Variants in CYP2D6 observed in about 807,000 individuals in gnomAD.
CYP2D6 encodes cytochrome P450 2D6.
A neutral mutation model predicts 43.5 loss-of-function variants in CYP2D6; 51 were observed. The ratio of observed to expected loss-of-function variants is 1.17; its 90% confidence interval spans 0.94 to 1.48. CYP2D6 has a LOEUF of 1.48. Ranked by LOEUF, CYP2D6 falls within the 40% of genes most tolerant of loss-of-function variation. The probability of loss-of-function intolerance (pLI) is 0.00; values close to 1 mark genes in which losing one functional copy is unlikely to be tolerated. For synonymous variants in CYP2D6, 346 were observed against 297.1 expected (o/e 1.16, Z -1.69); for missense variants, 698 against 688.0 (o/e 1.01, Z -0.16).
intron 6 of CYP2D6, 46 bp from the exon 7 acceptor site, chr22:42,127,680 C>A: frequency 1.3e-6 from 2 of 1,590,906 alleles, no homozygotes; most frequent in Non-Finnish European, 1.7e-6. Context: ...CCAGGGGGTC[C>A]GGCCCTGACA....
intron 2 of CYP2D6, 24 bp downstream of exon 2, chr22:42,129,714 G>C: frequency 6.2e-7 from 1 of 1,609,076 alleles, no homozygotes; most frequent in Non-Finnish European, 8.5e-7. Context: ...ACGGAAATCT[G>C]TCTCTGTCCC....
intron 6 of CYP2D6, 101 bp downstream of exon 6, chr22:42,127,741 C>A (rs1931169032): frequency 6.4e-7 from 1 of 1,572,546 alleles, no homozygotes; most frequent in Non-Finnish European, 8.7e-7. Flanking sequence ...GGATCCTGGT[C>A]AAGCCTGTGC....
Position 42,129,278 on chromosome 22 carries a change from G to A in CYP2D6, c.353-93C>T, listed in dbSNP as rs67497403. 281 of 1,451,536 alleles carry A rather than the reference G, an allele frequency of 1.9e-4. 14 individuals carry two copies. In the African/African-American group the frequency reaches 2.9e-3, roughly 15 times the overall value. 89.9% of individuals were successfully genotyped at this position (1,451,536 alleles called of 1,614,324 possible). A position where few individuals can be genotyped will look rare whatever the true frequency, so the allele number is the denominator to read the frequency against. On this transcript the variant is annotated intron_variant, in intron 2 of 8. Transcript: ENST00000645361. Reference sequence around the variant, plus strand: ...AACCCTATGCTCCCCCTGGTCTCCCGCAGTCCCTGGCTCTGTCCAGCTGGT... The same window carrying A: ...AACCCTATGCTCCCCCTGGTCTCCCACAGTCCCTGGCTCTGTCCAGCTGGT...
rs1300432292 is a variant in CYP2D6, at chr22:42,129,719, T to C, written c.352+19A>G. On this transcript the variant is annotated intron_variant, in intron 2 of 8. Coordinates refer to ENST00000645361, the MANE Select transcript of CYP2D6 (RefSeq NM_000106.6). The stretch of plus-strand genomic sequence containing the variant: ...CCCGGGTCCCACGGAAATCTGTCTC[T>C]GTCCCCACCGCTGCTTGCCTTGGGA... 1 of 1,609,212 alleles carries C rather than the reference T, an allele frequency of 6.2e-7. No individual in the cohort carries two copies. The highest frequency in any genetic ancestry group is 1.3e-5 in the African/African-American group (1 of 74,396).
In CYP2D6 at chr22:42,129,947, A is replaced by T. The variant is rs1569029254; in HGVS notation, c.181-38T>A. 2.7e-6 allele frequency: 4 copies of T among 1,507,340 alleles called. No homozygotes were observed. In the East Asian group the frequency reaches 9.6e-5, roughly 36 times the overall value. 93.4% of individuals were successfully genotyped at this position (1,507,340 alleles called of 1,614,324 possible). On this transcript the variant is annotated intron_variant, in intron 1 of 8. Transcript: ENST00000645361. ...GGTCAGGGCCTCTTGTCAAGCCAGG[A>T]TCACCCCAGACTACAGGTCCTAGTC...
intron 4 of CYP2D6, 54 bp from the exon 5 acceptor site, chr22:42,128,404 A>G: frequency 1.3e-6 from 2 of 1,589,406 alleles, no homozygotes; most frequent in Non-Finnish European, 1.7e-6. Flanking sequence ...GTTCACCTGG[A>G]CAAGTCTCAG....
intron 4 of CYP2D6, among the ~76,000 whole-genome samples, 168 bp downstream of exon 4, chr22:42,128,616 A>G (rs1328454655): frequency 2.0e-5 from 3 of 150,834 alleles, no homozygotes; most frequent in Non-Finnish European, 4.4e-5. Context: ...TCCCACGACC[A>G]TGTCTGAGAT....
At position 42,130,697 on chromosome 22, in the gene CYP2D6, C is replaced by T. The variant is rs1418365589; in HGVS notation, c.95G>A (p.Arg32His). ...LMHRRQRWAARYPPGPLPLPG... is the reference protein window; with the variant it reads ...LMHRRQRWAAHYPPGPLPLPG... ...CAGTGGCAGGGGGCCTGGTGGGTAG[C>T]GTGCAGCCCAGCGTTGGCGCCGGTG... is the stretch of plus-strand genomic sequence containing the variant. Residue 32 changes from arginine (R) to histidine (H), a missense_variant, in exon 1 of 9, where the codon CGC (arginine) becomes CAC (histidine). By Grantham distance (29) the Arg-to-His change is conservative (BLOSUM62 0). Transcript: ENST00000645361. 5.0e-6 allele frequency: 8 copies of T among 1,606,370 alleles called. No individual in the cohort carries two copies. Among genetic ancestry groups the T allele is most frequent in the Admixed American group, 1.7e-5 (1 of 59,346 alleles).
rs754171670 is a variant in CYP2D6, at chr22:42,128,968, G to T, written c.506-24C>A. ...TCCTGGGGGTGGGAGATGCGGGTAA[G>T]GGGTCGCCTTCCCCGTCCCCCGCCT... On this transcript the variant is annotated intron_variant, in intron 3 of 8. Coordinates refer to ENST00000645361, the MANE Select transcript of CYP2D6 (RefSeq NM_000106.6). 4.5e-5 allele frequency: 72 copies of T among 1,582,878 alleles called. 2 individuals carry two copies. Among genetic ancestry groups the T allele is most frequent in the Non-Finnish European group, 6.0e-5 (70 of 1,164,560 alleles).
Position 42,127,705 on chromosome 22 carries a change from C to T in CYP2D6, c.986-71G>A. On this transcript the variant is annotated intron_variant, in intron 6 of 8. Coordinates refer to ENST00000645361, the MANE Select transcript of CYP2D6 (RefSeq NM_000106.6). ...CGGCCCTGACACTCCTTCTTGCCTC[C>T]TATGTTGGAGGAGGTCAGGCTTACA... The T allele has an allele frequency of 7.6e-6, 12 of 1,580,962 alleles. 2 individuals carry two copies. The highest frequency in any genetic ancestry group is 1.0e-5 in the Non-Finnish European group (12 of 1,151,534).
chr22:42,127,768 C>T, intron 6 of CYP2D6, 74 bp downstream of exon 6: 3 of 1,587,814 alleles, frequency 1.9e-6, no homozygotes, highest in Non-Finnish European at 8.6e-7. Flanking sequence ...CCCCGGGTGT[C>T]CCAGCAAAGT....
intron 4 of CYP2D6, 109 bp from the exon 5 acceptor site, chr22:42,128,459 C>T: frequency 7.8e-7 from 1 of 1,274,788 alleles, no homozygotes; most frequent in Non-Finnish European, 1.1e-6. Context: ...CTGTCCTTAC[C>T]ACTGACCTCA....
chr22:42,129,418 C>T, intron 2 of CYP2D6: 1 of 769,416 alleles, frequency 1.3e-6, no homozygotes, highest in Non-Finnish European at 2.2e-6. Context: ...CCCCGCGGGC[C>T]CCGCGCCACC....
At chr22:42,128,690 T>G in intron 4 of CYP2D6, 94 bp downstream of exon 4, 2 of 1,430,680 alleles carry the variant, frequency 1.4e-6, no homozygotes, top group Non-Finnish European at 1.9e-6. Context: ...CCCAAACCCA[T>G]CTATGCAAAT....
chr22:42,129,476 A>G lies in CYP2D6; in HGVS notation c.352+262T>C, dbSNP rs1373332533. 2.4e-5 allele frequency: 17 copies of G among 720,944 alleles called. 1 individual carries two copies. The highest frequency in any genetic ancestry group is 4.1e-5 in the Non-Finnish European group (17 of 414,808). 44.7% of individuals were successfully genotyped at this position (720,944 alleles called of 1,614,324 possible). A position where few individuals can be genotyped will look rare whatever the true frequency, so the allele number is the denominator to read the frequency against. Reference sequence around the variant, plus strand: ...TGCGGTCCCCGCCCCCCACTTCGACACCGGATTCCAGCTGGGAAATGCGCC... The same window carrying G: ...TGCGGTCCCCGCCCCCCACTTCGACGCCGGATTCCAGCTGGGAAATGCGCC... On this transcript the variant is annotated intron_variant, in intron 2 of 8. Transcript: ENST00000645361.
At chr22:42,127,771 A>C in intron 6 of CYP2D6, 71 bp downstream of exon 6, 2 of 1,591,568 alleles carry the variant, frequency 1.3e-6, no homozygotes, top group South Asian at 1.1e-5. Flanking sequence ...CGGGTGTCCC[A>C]GCAAAGTTCA....
In CYP2D6 at chr22:42,128,273, C is replaced by T; in HGVS notation, c.744G>A (p.Leu248=). The part of the protein sequence containing the change: ...GKVLRFQKAF[L]TQLDELLTEH... ...CAGTTAGCAGCTCATCCAGCTGGGT[C>T]AGGAAAGCCTTTTGGAAGCGTAGGA... The change falls in exon 5 of 9, where the codon CTG becomes CTA. Residue 248 remains leucine (L), a synonymous_variant. Transcript: ENST00000645361. 2 of 1,610,678 alleles carry T rather than the reference C, an allele frequency of 1.2e-6. No homozygotes were observed. The highest frequency in any genetic ancestry group is 2.2e-5 in the South Asian group (2 of 90,894).
rs1356654184 is a variant in CYP2D6, at chr22:42,129,750, G to C, written c.340C>G (p.Pro114Ala). Reference sequence around the variant, plus strand: ...CACCGCTGCTTGCCTTGGGAACGCGGCCCGAAACCCAGGATCTGGGTGATG... The same window carrying C: ...CACCGCTGCTTGCCTTGGGAACGCGCCCCGAAACCCAGGATCTGGGTGATG... The part of the protein sequence containing the change: ...VPITQILGFG[P>A]RSQGVFLARY... Residue 114 changes from proline to alanine, a missense_variant, in exon 2 of 9, where the codon CCG becomes GCG. Coordinates refer to ENST00000645361, the MANE Select transcript of CYP2D6 (RefSeq NM_000106.6). The C allele has an allele frequency of 6.2e-7, 1 of 1,609,826 alleles. No individual in the cohort carries two copies. Among genetic ancestry groups the C allele is most frequent in the African/African-American group, 1.3e-5 (1 of 74,496 alleles).
Position 42,128,237 on chromosome 22 carries a change from C to G in CYP2D6, c.780G>C (p.Met260Ile). 6.2e-7 allele frequency: 1 copy of G among 1,610,478 alleles called. No individual in the cohort carries two copies. Among genetic ancestry groups the G allele is most frequent in the Non-Finnish European group, 8.5e-7 (1 of 1,177,960 alleles). Residue 260 changes from methionine to isoleucine, a missense_variant, in exon 5 of 9, where the codon ATG (methionine) becomes ATC (isoleucine). By Grantham distance (10) the Met-to-Ile change is conservative (BLOSUM62 1). This residue lies in a region of CYP2D6 where 588 missense variants were observed against 521.1 expected (regional missense o/e 1.13). Transcript: ENST00000645361. The stretch of plus-strand genomic sequence containing the variant: ...GGGGGGGCTGGGCTGGGTCCCAGGT[C>G]ATCCTGTGCTCAGTTAGCAGCTCAT... The part of the protein sequence containing the change: ...QLDELLTEHR[M>I]TWDPAQPPRD...
Sources: gnomAD v4.1 joint callset for allele counts (sites outside exome capture counted in the v4.1 genomes callset) on GRCh38, gnomAD v4.1.1 for gene constraint, gnomAD v4.1.1 regional missense constraint, MANE v1.5 for transcripts, NCBI Gene and HGNC (gene_info 2026-07-23, HGNC 2026-07-21) for gene names.